Variants in CREB1 observed in about 807,000 individuals in gnomAD.
CREB1 encodes the protein cAMP responsive element binding protein 1.
CREB1 carries 2 observed loss-of-function variants against 42.0 expected under a neutral mutation model. That is an observed-to-expected ratio of 0.05 (90% CI 0.02 to 0.15). The LOEUF is 0.15. Among genes scored for constraint, CREB1 ranks in the 10% least tolerant of loss-of-function variants. The pLI, the probability that CREB1 is intolerant of heterozygous loss-of-function variation, is 1.00. For synonymous variants in CREB1, 123 were observed against 139.9 expected, an observed-to-expected ratio of 0.88 and a Z score of 0.85; for missense variants, 199 against 388.9, an observed-to-expected ratio of 0.51 and a Z score of 4.11.
rs143910207 is a variant in CREB1, at chr2:207,598,796, C to T, written c.*1738C>T. Reference sequence around the variant, plus strand: ...CAGGAGGCAGAGGGTTGCAGTGAGCCGAGATAGCACCATTGCACTCCAGCC... The same window carrying T: ...CAGGAGGCAGAGGGTTGCAGTGAGCTGAGATAGCACCATTGCACTCCAGCC... On this transcript the variant is annotated 3_prime_UTR_variant, in exon 8 of 8. Coordinates refer to ENST00000353267, the MANE Select transcript of CREB1 (RefSeq NM_004379.5). The T allele has an allele frequency of 5.5e-4, 93 of 169,384 alleles. No individual in the cohort carries two copies. The highest frequency in any genetic ancestry group is 1.0e-3 in the Non-Finnish European group (82 of 78,178). The allele number at this position is 169,384 out of a possible 1,614,324, so 10.5% of individuals were successfully genotyped here.
intron 7 of CREB1, among the ~76,000 whole-genome samples, chr2:207,578,780 C>CA (rs1387920680): frequency 2.0e-5 from 3 of 151,734 alleles, no homozygotes; most frequent in Admixed American, 1.3e-4. Context: ...GAGTTGGAAA[C>CA]AAGCCAAGTG....
In CREB1 at chr2:207,597,275, G is replaced by T. The variant is rs192082921; in HGVS notation, c.*217G>T. The T allele has an allele frequency of 4.4e-6, 2 of 454,944 alleles. No individual in the cohort carries two copies. Among genetic ancestry groups the T allele is most frequent in the Non-Finnish European group, 7.5e-6 (2 of 265,200 alleles). The allele number at this position is 454,944 out of a possible 1,614,324, so 28.2% of individuals were successfully genotyped here. ...CTTCTCCCCTCAAGAAATTTTCAAC[G>T]CCAGGAATCATGAAGAGACTTCTGC... On this transcript the variant is annotated 3_prime_UTR_variant, in exon 8 of 8. Transcript: ENST00000353267.
chr2:207,568,092 A>G (rs1471631055), intron 4 of CREB1: 1 of 152,124 alleles, frequency 6.6e-6, no homozygotes, highest in Admixed American at 6.5e-5. Context: ...TTTTAATGTA[A>G]AAATTAGCTC....
chr2:207,590,390 G>A (rs1193557986), intron 7 of CREB1, among the ~76,000 whole-genome samples: 1 of 151,146 alleles, frequency 6.6e-6, no homozygotes, highest in Non-Finnish European at 1.5e-5. Context: ...TATCAATTTT[G>A]TTGATTGTTT....
At chr2:207,542,769 G>T (rs1421237736) in intron 1 of CREB1, among the ~76,000 whole-genome samples, 1 of 151,788 alleles carries the variant, frequency 6.6e-6, no homozygotes, top group Non-Finnish European at 1.5e-5. Context: ...TCTGATCTCT[G>T]TGAAGGCCCA....
At chr2:207,569,440 T>C (rs899873900) in intron 4 of CREB1, among the ~76,000 whole-genome samples, 1 of 152,192 alleles carries the variant, frequency 6.6e-6, no homozygotes, top group Non-Finnish European at 1.5e-5. Context: ...GTAGCTTTGC[T>C]AACAGATTTT....
intron 7 of CREB1, among the ~76,000 whole-genome samples, chr2:207,591,775 C>A: frequency 6.6e-6 from 1 of 152,112 alleles, no homozygotes; most frequent in Non-Finnish European, 1.5e-5. Context: ...CTTCTCCATC[C>A]TTTTTCTTCT....
chr2:207,581,833 C>T (rs1389194750), intron 7 of CREB1: 1 of 702,490 alleles, frequency 1.4e-6, no homozygotes, highest in South Asian at 1.5e-5. Flanking sequence ...TAATTATAGT[C>T]TCCTTCAGTC....
intron 1 of CREB1, among the ~76,000 whole-genome samples, chr2:207,540,264 T>C (rs563635111): frequency 2.5e-4 from 38 of 152,166 alleles, no homozygotes; most frequent in Admixed American, 8.5e-4. Flanking sequence ...GTGGGACACG[T>C]TGTGGAGGTG....
At chr2:207,588,994 T>C (rs1304744504) in intron 7 of CREB1, among the ~76,000 whole-genome samples, 1 of 152,162 alleles carries the variant, frequency 6.6e-6, no homozygotes, top group African/African-American at 2.4e-5. Context: ...TAATTTTTTT[T>C]CCTTATTGCA....
At chr2:207,548,988 G>A (rs1168102698) in intron 1 of CREB1, among the ~76,000 whole-genome samples, 1 of 152,158 alleles carries the variant, frequency 6.6e-6, no homozygotes, top group East Asian at 1.9e-4. Context: ...ATCTAGATTG[G>A]AGGCTGAAAT....
intron 1 of CREB1, among the ~76,000 whole-genome samples, chr2:207,550,091 T>C (rs536311792): frequency 7.2e-5 from 11 of 152,316 alleles, no homozygotes; most frequent in South Asian, 6.2e-4. Context: ...TAGGTACTTA[T>C]AGATATATTT....
chr2:207,553,204 G>T (rs191268382), intron 1 of CREB1, among the ~76,000 whole-genome samples: 1 of 151,074 alleles, frequency 6.6e-6, no homozygotes, highest in African/African-American at 2.4e-5. Context: ...GAGTATCTGG[G>T]ATTACAGGTG....
intron 1 of CREB1, among the ~76,000 whole-genome samples, chr2:207,531,422 C>G (rs1020448937): frequency 2.6e-5 from 4 of 152,198 alleles, no homozygotes; most frequent in Non-Finnish European, 1.5e-5. Context: ...AAGCCACAAG[C>G]TGTATTTTTT....
At chr2:207,573,250 A>G (rs552775490) in intron 5 of CREB1, among the ~76,000 whole-genome samples, 1 of 152,228 alleles carries the variant, frequency 6.6e-6, no homozygotes, top group Non-Finnish European at 1.5e-5. Context: ...ATTGAAAGCT[A>G]TCTCAAATCT....
chr2:207,595,193 A>G (rs2085898328), intron 7 of CREB1, among the ~76,000 whole-genome samples: 2 of 151,112 alleles, frequency 1.3e-5, no homozygotes, highest in Non-Finnish European at 3.0e-5. Context: ...ATGGAGTTTC[A>G]CCATGTTGGC....
chr2:207,557,215 A>G (rs1456147681), intron 2 of CREB1, among the ~76,000 whole-genome samples: 1 of 151,836 alleles, frequency 6.6e-6, no homozygotes, highest in African/African-American at 2.4e-5. Flanking sequence ...CTGGAGTCAC[A>G]CTATTTTGTC....
chr2:207,585,789 G>T (rs979292180), intron 7 of CREB1, among the ~76,000 whole-genome samples: 1 of 152,152 alleles, frequency 6.6e-6, no homozygotes, highest in African/African-American at 2.4e-5. Context: ...CGAGCAGAAA[G>T]AATTTCTGAA....
At chr2:207,540,105 G>A (rs898634559) in intron 1 of CREB1, among the ~76,000 whole-genome samples, 9 of 152,186 alleles carry the variant, frequency 5.9e-5, no homozygotes, top group Non-Finnish European at 1.3e-4. Context: ...GTGAATGACA[G>A]ATTGCATATA....
Sources: gnomAD v4.1 joint callset for allele counts (sites outside exome capture counted in the v4.1 genomes callset) on GRCh38, gnomAD v4.1.1 for gene constraint, MANE v1.5 for transcripts, NCBI Gene and HGNC (gene_info 2026-07-23, HGNC 2026-07-21) for gene names.